ASB18: variants seen among roughly 807,000 people sequenced by gnomAD.
The protein encoded by ASB18 is ankyrin repeat and SOCS box protein 18.
In ASB18, 33 loss-of-function variants were observed where a neutral mutation model predicts 33.4. The ratio of observed to expected loss-of-function variants is 0.99; its 90% CI spans 0.75 to 1.32. The LOEUF is 1.32. ASB18 is among the 40% of genes most tolerant of loss of function. ASB18 has a pLI of 0.00. For missense variants in ASB18, 694 were observed against 655.5 expected (o/e 1.06, Z -0.64); for synonymous variants, 295 against 307.6 (o/e 0.96, Z 0.43).
intron 1 of ASB18, among the ~76,000 whole-genome samples, chr2:236,258,739 G>C (rs2060704481): frequency 6.6e-6 from 1 of 152,156 alleles, no homozygotes; most frequent in African/African-American, 2.4e-5. Flanking sequence ...TGTCCGTGGT[G>C]TGTTTACCCA....
Position 236,196,233 on chromosome 2 carries a change from G to GT in ASB18, c.1215+38dup, listed in dbSNP as rs1302374391. The GT allele has an allele frequency of 8.4e-7, 1 of 1,191,168 alleles. No homozygotes were observed. The highest frequency in any genetic ancestry group is 1.2e-6 in the Non-Finnish European group (1 of 817,980). 73.8% of individuals were successfully genotyped at this position (1,191,168 alleles called of 1,614,324 possible). On this transcript the variant is annotated intron_variant, in intron 5 of 5. Coordinates refer to ENST00000409749, the MANE Select transcript of ASB18 (RefSeq NM_212556.4). This position sits in a 1 kb window ranked among gnomAD's most constrained non-coding sequence, Gnocchi z 5.6. ...TGCAAAGAAGCAAAAACAGACAAAA[G>GT]TTTTGTACTAAAGATGGGCAGAAAG... is the stretch of plus-strand genomic sequence containing the variant.
In ASB18 at chr2:236,211,574, A is replaced by G. The variant is rs987649253; in HGVS notation, c.1101+2788T>C. Among the ~76,000 whole-genome samples the G allele has an allele frequency of 6.6e-6, 1 of 152,166 alleles. No homozygotes were observed. The highest frequency in any genetic ancestry group is 2.4e-5 in the African/African-American group (1 of 41,432). On this transcript the variant is annotated intron_variant, in intron 4 of 5. Coordinates refer to ENST00000409749, the MANE Select transcript of ASB18 (RefSeq NM_212556.4). This position sits in a 1 kb window ranked among gnomAD's most constrained non-coding sequence, Gnocchi z 5.0. ...CTGCCCACGGACGGCTTGCCCTGTG[A>G]CAGTGCTGGTGACTCTACGCTCGGC...
At chr2:236,218,609 T>C (rs1382543573) in intron 3 of ASB18, among the ~76,000 whole-genome samples, 8 of 151,972 alleles carry the variant, frequency 5.3e-5, no homozygotes, top group Admixed American at 5.2e-4. Context: ...CCATCCTGGC[T>C]AACATGGTGA....
In ASB18 at chr2:236,259,325, C is replaced by T. The variant is rs2060707467; in HGVS notation, c.205+4816G>A. Among the ~76,000 whole-genome samples, 2 of 152,228 alleles carry T rather than the reference C, an allele frequency of 1.3e-5. No homozygotes were observed. Among genetic ancestry groups the T allele is most frequent in the Admixed American group, 1.3e-4 (2 of 15,286 alleles). Reference sequence around the variant, plus strand: ...CCAATCACTGCACCCAGAGTCCAAGCTTTCTCTCAGGGTTAATACCCTGTG... The same window carrying T: ...CCAATCACTGCACCCAGAGTCCAAGTTTTCTCTCAGGGTTAATACCCTGTG... On this transcript the variant is annotated intron_variant, in intron 1 of 5. Coordinates refer to ENST00000409749, the MANE Select transcript of ASB18 (RefSeq NM_212556.4). This position sits in a 1 kb window ranked among gnomAD's most constrained non-coding sequence, Gnocchi z 4.4.
chr2:236,214,953 T>A lies in ASB18; in HGVS notation c.597-87A>T. ...CGGCCTGCTGCTGCAAAATATCAAG[T>A]GACCTCTGAATGAAAAGACATGCTC... is the stretch of plus-strand genomic sequence containing the variant. On this transcript the variant is annotated intron_variant, in intron 3 of 5. Transcript: ENST00000409749. The surrounding 1 kb of genome is among the most constrained non-coding windows in gnomAD (Gnocchi z 6.5). 9.5e-7 allele frequency: 1 copy of A among 1,056,920 alleles called. No homozygotes were observed. The allele number at this position is 1,056,920 out of a possible 1,614,324, so 65.5% of individuals were successfully genotyped here. A position where few individuals can be genotyped will look rare whatever the true frequency, so the allele number is the denominator to read the frequency against.
chr2:236,240,097 A>G (rs2060614845), intron 2 of ASB18, among the ~76,000 whole-genome samples: 1 of 152,246 alleles, frequency 6.6e-6, no homozygotes, highest in Non-Finnish European at 1.5e-5. Flanking sequence ...TGGATACAGA[A>G]TGTGCAAATG....
rs1183040145 is a variant in ASB18 at position 236,226,864 on chromosome 2, G to C, written c.596+10825C>G. Among the ~76,000 whole-genome samples the C allele has an allele frequency of 6.6e-6, 1 of 152,174 alleles. No homozygotes were observed. Among genetic ancestry groups the C allele is most frequent in the East Asian group, 1.9e-4 (1 of 5,204 alleles). Reference sequence around the variant, plus strand: ...ATTTTTAAATTATTTTAGATTTTCAGAGGAGTTGCAAAGATAGCATAGAGA... The same window carrying C: ...ATTTTTAAATTATTTTAGATTTTCACAGGAGTTGCAAAGATAGCATAGAGA... On this transcript the variant is annotated intron_variant, in intron 3 of 5. Transcript: ENST00000409749. This position sits in a 1 kb window ranked among gnomAD's most constrained non-coding sequence, Gnocchi z 4.8.
Position 236,225,360 on chromosome 2 carries a change from G to C in ASB18, c.597-10494C>G, listed in dbSNP as rs1487892481. 1.3e-5 allele frequency among the ~76,000 whole-genome samples: 2 copies of C among 152,174 alleles called. No homozygotes were observed. The highest frequency in any genetic ancestry group is 4.8e-5 in the African/African-American group (2 of 41,450). On this transcript the variant is annotated intron_variant, in intron 3 of 5. Transcript: ENST00000409749. The surrounding 1 kb of genome is among the most constrained non-coding windows in gnomAD (Gnocchi z 5.1). ...ACTCCTGGGCTCAAGCGATCCTCTA[G>C]CCTTGGCCTCCTAAAATGATGGGAT...
Position 236,203,059 on chromosome 2 carries a change from T to C in ASB18, c.1102-6674A>G, listed in dbSNP as rs564710717. ...GTTTCCCAATTATTTGTCCCTGTTA[T>C]AGCTGGGTTGTATGCTCACCACCTG... On this transcript the variant is annotated intron_variant, in intron 4 of 5. Transcript: ENST00000409749. The surrounding 1 kb of genome is among the most constrained non-coding windows in gnomAD (Gnocchi z 6.0). Among the ~76,000 whole-genome samples, 1 of 152,266 alleles carries C rather than the reference T, an allele frequency of 6.6e-6. No individual in the cohort carries two copies. The highest frequency in any genetic ancestry group is 1.5e-5 in the Non-Finnish European group (1 of 68,034).
chr2:236,257,369 G>A lies in ASB18; in HGVS notation c.205+6772C>T, dbSNP rs1480517033. 6.6e-6 allele frequency among the ~76,000 whole-genome samples: 1 copy of A among 152,172 alleles called. No individual in the cohort carries two copies. Among genetic ancestry groups the A allele is most frequent in the Non-Finnish European group, 1.5e-5 (1 of 68,036 alleles). On this transcript the variant is annotated intron_variant, in intron 1 of 5. Transcript: ENST00000409749. The surrounding 1 kb of genome is among the most constrained non-coding windows in gnomAD (Gnocchi z 5.5). Reference sequence around the variant, plus strand: ...GAGTGAGCAGTCAAGACAGCAGAGCGCTTCTCCTCCTGCCTGCCCTGCCGT... The same window carrying A: ...GAGTGAGCAGTCAAGACAGCAGAGCACTTCTCCTCCTGCCTGCCCTGCCGT...
rs1260635226 is a variant in ASB18 at position 236,195,896 on chromosome 2, A to G, written c.1215+376T>C. 6.6e-6 allele frequency among the ~76,000 whole-genome samples: 1 copy of G among 152,088 alleles called. No individual in the cohort carries two copies. Among genetic ancestry groups the G allele is most frequent in the Non-Finnish European group, 1.5e-5 (1 of 68,030 alleles). On this transcript the variant is annotated intron_variant, in intron 5 of 5. Transcript: ENST00000409749. This position sits in a 1 kb window ranked among gnomAD's most constrained non-coding sequence, Gnocchi z 5.5. ...TAATCCCCATAGCTTCCTTGGTCGT[A>G]TCTTGAGCTGCTGGAGCATGAAGCT...
At chr2:236,206,407 A>G (rs2060433831) in intron 4 of ASB18, among the ~76,000 whole-genome samples, 1 of 152,128 alleles carries the variant, frequency 6.6e-6, no homozygotes, top group Non-Finnish European at 1.5e-5. Flanking sequence ...GGATATGAAC[A>G]AGGAAACGGG....
In ASB18 at chr2:236,221,985, G is replaced by T. The variant is rs529406800; in HGVS notation, c.597-7119C>A. Reference sequence around the variant, plus strand: ...GGGTGCTGGGCATGTGCCAGCCTATGGGGGCAAGGTTGCAGGGGAGCCTTG... The same window carrying T: ...GGGTGCTGGGCATGTGCCAGCCTATTGGGGCAAGGTTGCAGGGGAGCCTTG... On this transcript the variant is annotated intron_variant, in intron 3 of 5. Transcript: ENST00000409749. The surrounding 1 kb of genome is among the most constrained non-coding windows in gnomAD (Gnocchi z 5.6). Among the ~76,000 whole-genome samples the T allele has an allele frequency of 5.9e-5, 9 of 152,318 alleles. No homozygotes were observed. The East Asian group carries it at 1.7e-3, about 29-fold the overall frequency.
rs946223229 is a variant in ASB18, at chr2:236,251,071, C to T, written c.206-9669G>A. Among the ~76,000 whole-genome samples, 4 of 152,218 alleles carry T rather than the reference C, an allele frequency of 2.6e-5. No individual in the cohort carries two copies. The highest frequency in any genetic ancestry group is 1.3e-4 in the Admixed American group (2 of 15,288). On this transcript the variant is annotated intron_variant, in intron 1 of 5. Coordinates refer to ENST00000409749, the MANE Select transcript of ASB18 (RefSeq NM_212556.4). This position sits in a 1 kb window ranked among gnomAD's most constrained non-coding sequence, Gnocchi z 5.3. ...GGAAACCACCTCACTAACTTATTTT[C>T]CCGTCACTGCTACCAAGCCCAGTGC...
At chr2:236,233,031 G>A (rs534799638) in intron 3 of ASB18, among the ~76,000 whole-genome samples, 18 of 151,884 alleles carry the variant, frequency 1.2e-4, no homozygotes, top group East Asian at 1.2e-3. Context: ...ACATAGATGC[G>A]GATACTAAAT....
Position 236,245,195 on chromosome 2 carries a change from G to A in ASB18, c.206-3793C>T, listed in dbSNP as rs2106282122. Among the ~76,000 whole-genome samples, 1 of 152,346 alleles carries A rather than the reference G, an allele frequency of 6.6e-6. No individual in the cohort carries two copies. Among genetic ancestry groups the A allele is most frequent in the East Asian group, 1.9e-4 (1 of 5,180 alleles). ...CTCTGGGCAAAGGCTCAGCTCTGGG[G>A]CTGCAGAAGGGCCCATTGGGCTTAG... On this transcript the variant is annotated intron_variant, in intron 1 of 5. Transcript: ENST00000409749. The surrounding 1 kb of genome is among the most constrained non-coding windows in gnomAD (Gnocchi z 4.7).
rs1415585357 is a variant in ASB18 at position 236,237,789 on chromosome 2, C to G, written c.496G>C (p.Ala166Pro). ...LHEACLGGHT[A>P]CVRLLLQHRA... ...TGCTGCAGCAGCAGGCGGACGCAGG[C>G]GGTGTGGCCCCCGAGGCAGGCCTCG... is the stretch of plus-strand genomic sequence containing the variant. Residue 166 changes from alanine to proline, a missense_variant, in exon 3 of 6, where the codon GCC becomes CCC. Ala to Pro is a conservative substitution (Grantham distance 27). Coordinates refer to ENST00000409749, the MANE Select transcript of ASB18 (RefSeq NM_212556.4). The surrounding 1 kb of genome is among the most constrained non-coding windows in gnomAD (Gnocchi z 6.2). The G allele has an allele frequency of 8.3e-6, 12 of 1,438,588 alleles. No homozygotes were observed. Among genetic ancestry groups the G allele is most frequent in the Middle Eastern group, 4.9e-4 (2 of 4,058 alleles). 89.1% of individuals were successfully genotyped at this position (1,438,588 alleles called of 1,614,324 possible).
chr2:236,207,722 C>T (rs1030356539), intron 4 of ASB18, among the ~76,000 whole-genome samples: 5 of 152,294 alleles, frequency 3.3e-5, no homozygotes, highest in African/African-American at 1.2e-4. Context: ...CTACCCTCTT[C>T]CTGGCAGTTG....
rs914571361 is a variant in ASB18, at chr2:236,214,665, G to C, written c.798C>G (p.Pro266=). 3.5e-6 allele frequency: 4 copies of C among 1,145,928 alleles called. No individual in the cohort carries two copies. Among genetic ancestry groups the C allele is most frequent in the East Asian group, 4.5e-5 (1 of 22,190 alleles). 71.0% of individuals were successfully genotyped at this position (1,145,928 alleles called of 1,614,324 possible). Residue 266 remains proline (P), a synonymous_variant, in exon 4 of 6, where the codon CCC becomes CCG. Coordinates refer to ENST00000409749, the MANE Select transcript of ASB18 (RefSeq NM_212556.4). This position sits in a 1 kb window ranked among gnomAD's most constrained non-coding sequence, Gnocchi z 6.5. ...GGCGCAGGCAGCGCCCGTGCTCGTC[G>C]GGCCTCCGCGCCGCACCGCAGGCCG... The part of the protein sequence containing the change: ...LSAACGAARR[P]DEHGRCLRLC...
Sources: allele counts gnomAD v4.1 joint callset (sites outside exome capture counted in the v4.1 genomes callset), GRCh38; gene constraint gnomAD v4.1.1; non-coding constraint Gnocchi (gnomAD v3.1); transcripts MANE v1.5; gene names NCBI Gene and HGNC (gene_info 2026-07-23, HGNC 2026-07-21).